The following TRPM1 variants were observed in gnomAD, a reference collection of about 807,000 sequenced individuals.
TRPM1 encodes the protein transient receptor potential cation channel subfamily M member 1.
In TRPM1, 113 loss-of-function variants were observed where a neutral mutation model predicts 149.4. The observed-to-expected ratio is 0.76, with a 90% confidence interval of 0.65 to 0.88. The LOEUF (loss-of-function observed/expected upper bound fraction) is 0.88. Among genes scored for constraint, TRPM1 ranks in the 40% least tolerant of loss-of-function variants. TRPM1 has a pLI of 0.00. For missense variants in TRPM1, 1,976 were observed against 2,038.7 expected (o/e 0.97, Z 0.59); for synonymous variants, 741 against 759.5 (o/e 0.98, Z 0.40).
intron 1 of TRPM1, among the ~76,000 whole-genome samples, chr15:31,132,937 T>C (rs1217905184): frequency 6.6e-6 from 1 of 152,210 alleles, no homozygotes; most frequent in Non-Finnish European, 1.5e-5. Context: ...TCCCCAGCCA[T>C]GTGGAAATGT....
chr15:31,126,372 C>G (rs900987831), intron 1 of TRPM1, among the ~76,000 whole-genome samples: 1 of 152,134 alleles, frequency 6.6e-6, no homozygotes, highest in Non-Finnish European at 1.5e-5. Flanking sequence ...TGCGAAACTC[C>G]CGTGGGGATG....
intron 27 of TRPM1, 85 bp downstream of exon 27, chr15:31,026,054 T>C (rs2032722413): frequency 1.3e-6 from 2 of 1,575,216 alleles, no homozygotes; most frequent in Admixed American, 1.7e-5. Flanking sequence ...CATGTTTAAA[T>C]GAACTCTGGC....
chr15:31,025,296 C>G (rs550770719), intron 27 of TRPM1, among the ~76,000 whole-genome samples: 2 of 152,218 alleles, frequency 1.3e-5, no homozygotes, highest in South Asian at 4.2e-4. Flanking sequence ...GCTGAAAATG[C>G]TTTTAGTAAA....
At position 31,047,294 on chromosome 15, in the gene TRPM1, G is replaced by A. The variant is rs199596432; in HGVS notation, c.1624-43C>T. On this transcript the variant is annotated intron_variant, in intron 14 of 27. Coordinates refer to ENST00000256552, the MANE Select transcript of TRPM1 (RefSeq NM_001252024.2). ...TCTCAGGCCCTGTGAGAATGCGTTCGCAGTGTGGACTTCATCACACGTCTA... is the reference window on the plus strand; with the variant it reads ...TCTCAGGCCCTGTGAGAATGCGTTCACAGTGTGGACTTCATCACACGTCTA... 1,861 of 1,613,128 alleles carry A rather than the reference G, an allele frequency of 1.2e-3. 2 individuals are homozygous for A. Among genetic ancestry groups the A allele is most frequent in the Admixed American group, 1.5e-3 (88 of 59,952 alleles).
Position 31,026,969 on chromosome 15 carries a change from C to T in TRPM1, c.3442G>A (p.Gly1148Ser), listed in dbSNP as rs200447690. 1.8e-5 allele frequency: 29 copies of T among 1,613,994 alleles called. No homozygotes were observed. The South Asian group carries it at 2.5e-4, about 14-fold the overall frequency. Residue 1148 changes from glycine to serine, a missense_variant, in exon 26 of 28, where the codon GGC (glycine) becomes AGC (serine). Transcript: ENST00000256552. ...CCTTCTCTCTTTTTCCTGCAGCGGC[C>T]GCTGAGACGCATAATGATGATGTAG... Reference protein sequence around the residue: ...HIYIIIMRLSGRCRKKREGDQ... With the variant: ...HIYIIIMRLSSRCRKKREGDQ...
chr15:31,146,987 C>CAAAA (rs111397647), intron 1 of TRPM1, among the ~76,000 whole-genome samples: 19 of 136,782 alleles, frequency 1.4e-4, no homozygotes, highest in African/African-American at 4.5e-4. Context: ...AATTCTGTCT[C>CAAAA]AAAAAAAAAA....
At chr15:31,132,807 T>C (rs1194427479) in intron 1 of TRPM1, among the ~76,000 whole-genome samples, 1 of 152,180 alleles carries the variant, frequency 6.6e-6, no homozygotes, top group Non-Finnish European at 1.5e-5. Flanking sequence ...CCCGTGGTAG[T>C]GAATACATCT....
intron 1 of TRPM1, among the ~76,000 whole-genome samples, chr15:31,130,643 C>T (rs555640293): frequency 2.0e-4 from 31 of 152,138 alleles, no homozygotes; most frequent in South Asian, 6.2e-4. Flanking sequence ...TTTTGTAGAC[C>T]CTGCATTCTG....
chr15:31,148,655 T>G (rs2036253922), intron 1 of TRPM1, among the ~76,000 whole-genome samples: 1 of 152,208 alleles, frequency 6.6e-6, no homozygotes, highest in Non-Finnish European at 1.5e-5. Flanking sequence ...TGCACCTGTC[T>G]ATTTCAGCAG....
intron 1 of TRPM1, among the ~76,000 whole-genome samples, chr15:31,147,018 T>A (rs1047812996): frequency 6.6e-6 from 1 of 152,164 alleles, no homozygotes; most frequent in African/African-American, 2.4e-5. Context: ...ATTCAATGTT[T>A]GTTCCTTGTT....
At chr15:31,112,076 T>A (rs377073246) in intron 1 of TRPM1, among the ~76,000 whole-genome samples, 3 of 152,098 alleles carry the variant, frequency 2.0e-5, no homozygotes, top group Non-Finnish European at 4.4e-5. Context: ...AACAGAAAGG[T>A]AGAGAGTGTG....
rs765540555 is a variant in TRPM1 at position 31,028,372 on chromosome 15, C to T, written c.3253G>A (p.Ala1085Thr). ...PALMACYLLV[A>T]NILLVNLLIA... The stretch of plus-strand genomic sequence containing the variant: ...AGCAGGTTCACCAGCAGGATGTTGG[C>T]GACCAGTAGATAGCACGCCATGAGT... The change falls in exon 25 of 28, where the codon GCC becomes ACC. Residue 1085 changes from alanine to threonine, a missense_variant. This residue lies in a region of TRPM1 where 72 missense variants were observed against 112.7 expected (regional missense o/e 0.64). Transcript: ENST00000256552. The T allele has an allele frequency of 9.3e-6, 15 of 1,613,974 alleles. No homozygotes were observed. The highest frequency in any genetic ancestry group is 2.2e-5 in the East Asian group (1 of 44,894).
At chr15:31,064,869 T>C (rs2034325879) in intron 7 of TRPM1, among the ~76,000 whole-genome samples, 1 of 152,156 alleles carries the variant, frequency 6.6e-6, no homozygotes, top group African/African-American at 2.4e-5. Context: ...GACCAGGAGA[T>C]ATTGGAAAAA....
intron 27 of TRPM1, among the ~76,000 whole-genome samples, chr15:31,014,284 A>G (rs2032283948): frequency 6.6e-6 from 1 of 152,194 alleles, no homozygotes; most frequent in Admixed American, 6.5e-5. Context: ...CCTTCTAACT[A>G]GAAGCTTTAG....
chr15:31,115,689 G>A (rs1311281867), intron 1 of TRPM1, among the ~76,000 whole-genome samples: 1 of 151,778 alleles, frequency 6.6e-6, no homozygotes, highest in Non-Finnish European at 1.5e-5. Flanking sequence ...GTTTCCAGCA[G>A]GGGATGGAGA....
chr15:31,108,647 C>T (rs558330489), intron 1 of TRPM1, among the ~76,000 whole-genome samples: 2 of 152,300 alleles, frequency 1.3e-5, no homozygotes, highest in South Asian at 4.1e-4. Context: ...GCATGTGCCA[C>T]CATGCTCAGC....
At chr15:31,118,511 A>G (rs1426045700) in intron 1 of TRPM1, among the ~76,000 whole-genome samples, 4 of 149,362 alleles carry the variant, frequency 2.7e-5, no homozygotes, top group Non-Finnish European at 6.0e-5. Flanking sequence ...AAAATTTCGG[A>G]AAAAAAAAAC....
intron 27 of TRPM1, among the ~76,000 whole-genome samples, chr15:31,012,239 T>C (rs922531238): frequency 3.3e-5 from 5 of 152,248 alleles, no homozygotes; most frequent in African/African-American, 1.2e-4. Flanking sequence ...TCTTAGGTTA[T>C]TGTCTTATGT....
At chr15:31,089,545 G>A (rs948912166) in intron 1 of TRPM1, among the ~76,000 whole-genome samples, 1 of 152,174 alleles carries the variant, frequency 6.6e-6, no homozygotes, top group African/African-American at 2.4e-5. Context: ...AGCGGTGGAT[G>A]GGGGGCCGAG....
Sources: allele counts gnomAD v4.1 joint callset (sites outside exome capture counted in the v4.1 genomes callset), GRCh38; gene constraint gnomAD v4.1.1; regional missense constraint gnomAD v4.1.1; transcripts MANE v1.5; gene names NCBI Gene and HGNC (gene_info 2026-07-23, HGNC 2026-07-21).